GLIS1: variants seen among roughly 807,000 people sequenced by gnomAD.
GLIS1 encodes GLIS family zinc finger 1.
In GLIS1, 24 loss-of-function variants were observed where a neutral mutation model predicts 63.8. The observed-to-expected ratio is 0.38, with a 90% CI of 0.27 to 0.53. The LOEUF (loss-of-function observed/expected upper bound fraction) is 0.53, where lower values mean the gene tolerates loss of function less well. Among genes scored for constraint, GLIS1 ranks in the 20% least tolerant of loss-of-function variants. The pLI is 0.85. For synonymous variants in GLIS1, 450 were observed against 482.5 expected (o/e 0.93, Z 0.88); for missense variants, 1,036 against 1,074.1 (o/e 0.96, Z 0.50).
Position 53,511,679 on chromosome 1 carries a change from G to C in GLIS1, c.1884-1652C>G, listed in dbSNP as rs1195211893. On this transcript the variant is annotated intron_variant, in intron 8 of 10. Transcript: ENST00000628545. This position sits in a 1 kb window ranked among gnomAD's most constrained non-coding sequence, Gnocchi z 4.2. ...ATTATTTTTAGGCCTGTCTTGTGGG[G>C]TGATCAAGTGGGACAGCGTCTTCCT... Among the ~76,000 whole-genome samples, 1 of 152,166 alleles carries C rather than the reference G, an allele frequency of 6.6e-6. No individual in the cohort carries two copies. Among genetic ancestry groups the C allele is most frequent in the East Asian group, 1.9e-4 (1 of 5,206 alleles).
At chr1:53,610,076 T>G (rs191468146) in intron 2 of GLIS1, among the ~76,000 whole-genome samples, 44 of 152,384 alleles carry the variant, frequency 2.9e-4, no homozygotes, top group Non-Finnish European at 4.1e-4. Context: ...TACTACTTTC[T>G]ACACAAGGCA....
rs372630579 is a variant in GLIS1, at chr1:53,550,616, A to G, written c.1321-20664T>C. Among the ~76,000 whole-genome samples the G allele has an allele frequency of 1.2e-4, 18 of 152,342 alleles. No individual in the cohort carries two copies. The South Asian group carries it at 3.3e-3, about 28-fold the overall frequency. ...ACAGTCGGGGAAAAGCTGAGTGAACAGTGCCACAGTCCCCACACTGGATGA... is the reference window on the plus strand; with the variant it reads ...ACAGTCGGGGAAAAGCTGAGTGAACGGTGCCACAGTCCCCACACTGGATGA... On this transcript the variant is annotated intron_variant, in intron 4 of 10. Transcript: ENST00000628545.
intron 2 of GLIS1, among the ~76,000 whole-genome samples, chr1:53,713,912 T>C (rs1188516165): frequency 2.0e-5 from 3 of 152,222 alleles, no homozygotes; most frequent in Non-Finnish European, 4.4e-5. Flanking sequence ...CCAGAGGGTA[T>C]AGACAGACTG....
chr1:53,552,320 C>T (rs1022276521), intron 4 of GLIS1, among the ~76,000 whole-genome samples: 7 of 150,480 alleles, frequency 4.7e-5, no homozygotes, highest in African/African-American at 7.3e-5. Context: ...CAAGGCCCCC[C>T]GCTGCTCCTG....
At chr1:53,676,743 A>G (rs1481925067) in intron 2 of GLIS1, among the ~76,000 whole-genome samples, 1 of 151,864 alleles carries the variant, frequency 6.6e-6, no homozygotes, top group Non-Finnish European at 1.5e-5. Flanking sequence ...GGCCAGAAGC[A>G]CCCTCCACCC....
intron 2 of GLIS1, among the ~76,000 whole-genome samples, chr1:53,658,002 G>A (rs1182116777): frequency 6.6e-6 from 1 of 151,956 alleles, no homozygotes; most frequent in African/African-American, 2.4e-5. Context: ...CAGCAACCTT[G>A]CTGGTGCTCA....
chr1:53,655,173 A>G (rs1338560932), intron 2 of GLIS1, among the ~76,000 whole-genome samples: 9 of 152,152 alleles, frequency 5.9e-5, no homozygotes, highest in African/African-American at 1.9e-4. Context: ...CTTCAGATGT[A>G]GGAATGCCCA....
At chr1:53,652,730 A>G (rs2100333036) in intron 2 of GLIS1, among the ~76,000 whole-genome samples, 1 of 152,226 alleles carries the variant, frequency 6.6e-6, no homozygotes, top group East Asian at 1.9e-4. Flanking sequence ...AAGCCTCCTC[A>G]GTCACCCTCC....
rs548450091 is a variant in GLIS1, at chr1:53,515,210, A to G, written c.1727-429T>C. Among the ~76,000 whole-genome samples, 3 of 152,134 alleles carry G rather than the reference A, an allele frequency of 2.0e-5. No homozygotes were observed. In the South Asian group the frequency reaches 6.2e-4, roughly 32 times the overall value. On this transcript the variant is annotated intron_variant, in intron 7 of 10. Transcript: ENST00000628545. ...AGAGGCTTGTTCTGTGTGGCCCCGA[A>G]GCAGACAGAGACCCAGGAATGGAGA...
intron 4 of GLIS1, among the ~76,000 whole-genome samples, chr1:53,582,211 G>C (rs942848433): frequency 6.6e-6 from 1 of 152,182 alleles, no homozygotes; most frequent in African/African-American, 2.4e-5. Context: ...AAGAAAGGAG[G>C]CTGGCAGAGC....
Position 53,609,313 on chromosome 1 carries a change from G to A in GLIS1, c.260-9035C>T, listed in dbSNP as rs565606764. 6.4e-5 allele frequency among the ~76,000 whole-genome samples: 7 copies of A among 109,228 alleles called. No individual in the cohort carries two copies. The East Asian group carries it at 1.6e-3, about 25-fold the overall frequency. The allele number at this position is 109,228 out of a possible 152,430, so 71.7% of individuals were successfully genotyped here. A position where few individuals can be genotyped will look rare whatever the true frequency, so the allele number is the denominator to read the frequency against. On this transcript the variant is annotated intron_variant, in intron 2 of 10. Transcript: ENST00000628545. ...TTTTGAGATGCAGTCTCACTCTGTC[G>A]CCCAGGCTGGAGTGCAGTCGTGCGA...
At chr1:53,556,717 T>TG (rs1644837315) in intron 4 of GLIS1, among the ~76,000 whole-genome samples, 1 of 113,374 alleles carries the variant, frequency 8.8e-6, no homozygotes, top group African/African-American at 3.4e-5. Flanking sequence ...CTGCAGATGT[T>TG]TGTGTGCAGG....
chr1:53,616,824 G>A (rs1167724688), intron 2 of GLIS1, among the ~76,000 whole-genome samples: 26 of 152,148 alleles, frequency 1.7e-4, no homozygotes, highest in Admixed American at 1.7e-3. Context: ...CGAGGCTCGG[G>A]ATTTCTGGAT....
At chr1:53,652,771 C>T (rs1474630306) in intron 2 of GLIS1, among the ~76,000 whole-genome samples, 2 of 152,154 alleles carry the variant, frequency 1.3e-5, no homozygotes, top group Non-Finnish European at 2.9e-5. Context: ...ACATAGAGGA[C>T]CTGGACCCTG....
At chr1:53,720,259 T>C (rs936386298) in intron 2 of GLIS1, among the ~76,000 whole-genome samples, 1 of 152,168 alleles carries the variant, frequency 6.6e-6, no homozygotes, top group Non-Finnish European at 1.5e-5. Flanking sequence ...AACCTAAGTG[T>C]CCATCAATAG....
intron 2 of GLIS1, among the ~76,000 whole-genome samples, chr1:53,680,376 C>G (rs1444457548): frequency 2.0e-5 from 3 of 152,206 alleles, no homozygotes; most frequent in Non-Finnish European, 4.4e-5. Flanking sequence ...TGATCTATGC[C>G]ACGAGTGTGG....
Position 53,646,127 on chromosome 1 carries a change from T to C in GLIS1, c.260-45849A>G, listed in dbSNP as rs1228218493. On this transcript the variant is annotated intron_variant, in intron 2 of 10. Coordinates refer to ENST00000628545, the MANE Select transcript of GLIS1 (RefSeq NM_001367484.1). This position sits in a 1 kb window ranked among gnomAD's most constrained non-coding sequence, Gnocchi z 4.2. ...GTTCAAAATCCACTAAAATGGAATA[T>C]ATTGTTTAGGCACACATAGACACGT... Among the ~76,000 whole-genome samples, 1 of 152,362 alleles carries C rather than the reference T, an allele frequency of 6.6e-6. No individual in the cohort carries two copies. Among genetic ancestry groups the C allele is most frequent in the East Asian group, 1.9e-4 (1 of 5,196 alleles).
intron 2 of GLIS1, among the ~76,000 whole-genome samples, chr1:53,625,183 G>GA (rs369024160): frequency 0.011 from 1,746 of 152,332 alleles, 28 homozygotes; most frequent in African/African-American, 0.04. Context: ...GAAGGAGTCA[G>GA]AAAAAATTCC....
intron 10 of GLIS1, among the ~76,000 whole-genome samples, 188 bp downstream of exon 10, chr1:53,508,932 T>G (rs1644265774): frequency 6.6e-6 from 1 of 152,194 alleles, no homozygotes; most frequent in African/African-American, 2.4e-5. Flanking sequence ...CACTTTCCAG[T>G]CAGGCAGGTA....
Sources: allele counts gnomAD v4.1 joint callset (sites outside exome capture counted in the v4.1 genomes callset), GRCh38; gene constraint gnomAD v4.1.1; non-coding constraint Gnocchi (gnomAD v3.1); transcripts MANE v1.5; gene names NCBI Gene and HGNC (gene_info 2026-07-23, HGNC 2026-07-21).